GNAI3: variants seen among roughly 807,000 people sequenced by gnomAD.
GNAI3 encodes the protein guanine nucleotide-binding protein G(i) subunit alpha-3.
Under a neutral mutation model 41.8 loss-of-function variants are expected in GNAI3, and 12 were observed. The observed-to-expected ratio is 0.29, with a 90% CI of 0.18 to 0.47. GNAI3 has a LOEUF of 0.47. Among genes scored for constraint, GNAI3 ranks in the 20% least tolerant of loss-of-function variants. The probability of loss-of-function intolerance (pLI) is 1.00; values close to 1 mark genes in which losing one functional copy is unlikely to be tolerated. For missense variants in GNAI3, 360 were observed against 429.6 expected (o/e 0.84, Z 1.43); for synonymous variants, 132 against 146.5 (o/e 0.90, Z 0.71).
intron 1 of GNAI3, among the ~76,000 whole-genome samples, chr1:109,573,199 A>G (rs1019351396): frequency 3.3e-4 from 50 of 152,180 alleles, no homozygotes; most frequent in Non-Finnish European, 7.1e-4. Context: ...AAGTGATTCC[A>G]GCTGGCTAAG....
chr1:109,554,718 AT>A (rs1450658051), intron 1 of GNAI3, among the ~76,000 whole-genome samples: 1 of 152,042 alleles, frequency 6.6e-6, no homozygotes, highest in East Asian at 1.9e-4. Flanking sequence ...GTTGAGTCCC[AT>A]TTATTTATTT....
At chr1:109,582,888 T>G (rs774102186) in intron 5 of GNAI3, among the ~76,000 whole-genome samples, 1 of 152,212 alleles carries the variant, frequency 6.6e-6, no homozygotes, top group Admixed American at 6.5e-5. Flanking sequence ...GACTCACCAA[T>G]TCAGATATTG....
At position 109,590,446 on chromosome 1, in the gene GNAI3, A is replaced by G. The variant is rs2101112056; in HGVS notation, c.875-1597A>G. On this transcript the variant is annotated intron_variant, in intron 7 of 8. Coordinates refer to ENST00000369851, the MANE Select transcript of GNAI3 (RefSeq NM_006496.4). ...TATTATTATCTGTTCCTAGCAGACA[A>G]AATTCACTTTTCACTCATCTGCCTC... Among the ~76,000 whole-genome samples the G allele has an allele frequency of 1.3e-5, 2 of 152,302 alleles. 1 individual carries two copies. The highest frequency in any genetic ancestry group is 6.8e-3 in the Middle Eastern group (2 of 294).
intron 1 of GNAI3, among the ~76,000 whole-genome samples, chr1:109,568,668 A>G (rs1648518648): frequency 6.6e-6 from 1 of 152,130 alleles, no homozygotes; most frequent in African/African-American, 2.4e-5. Flanking sequence ...TCCAAACTGT[A>G]GATAAACACA....
intron 1 of GNAI3, among the ~76,000 whole-genome samples, chr1:109,566,865 A>C (rs1377850401): frequency 6.6e-6 from 1 of 152,108 alleles, no homozygotes; most frequent in African/African-American, 2.4e-5. Flanking sequence ...ACCTGGCCTG[A>C]AATGTCATTT....
intron 1 of GNAI3, among the ~76,000 whole-genome samples, chr1:109,563,378 C>T (rs1181702370): frequency 2.6e-5 from 4 of 152,200 alleles, no homozygotes; most frequent in Non-Finnish European, 5.9e-5. Flanking sequence ...GAGCAAGACA[C>T]TGTCTCAGAA....
intron 1 of GNAI3, among the ~76,000 whole-genome samples, chr1:109,549,680 C>T (rs1647926039): frequency 6.6e-6 from 1 of 152,132 alleles, no homozygotes; most frequent in South Asian, 2.1e-4. Context: ...GAATAGTTAC[C>T]TTAGGATAAG....
chr1:109,561,770 G>A (rs1413204573), intron 1 of GNAI3, among the ~76,000 whole-genome samples: 1 of 152,202 alleles, frequency 6.6e-6, no homozygotes, highest in Non-Finnish European at 1.5e-5. Flanking sequence ...TCCCAGAGGA[G>A]GTGACATTTG....
rs1389551018 is a variant in GNAI3 at position 109,592,137 on chromosome 1, C to T, written c.969C>T (p.Phe323=). ...ATACCAAGGAGATCTATACTCACTT[C>T]ACCTGTGCCACAGACACGAAGAATG... is the stretch of plus-strand genomic sequence containing the variant. ...RKDTKEIYTH[F]TCATDTKNVQ... is the part of the protein sequence containing the mutation. Residue 323 remains phenylalanine, a synonymous_variant, in exon 8 of 9, where the codon TTC becomes TTT. Coordinates refer to ENST00000369851, the MANE Select transcript of GNAI3 (RefSeq NM_006496.4). 2 of 1,611,354 alleles carry T rather than the reference C, an allele frequency of 1.2e-6. No homozygotes were observed. The highest frequency in any genetic ancestry group is 1.7e-5 in the Admixed American group (1 of 60,028).
At chr1:109,586,951 T>A in intron 7 of GNAI3, 69 bp downstream of exon 7, 1 of 1,028,216 alleles carries the variant, frequency 9.7e-7, no homozygotes, top group Non-Finnish European at 1.5e-6. Flanking sequence ...GTGGCATTCA[T>A]AAAACTGCCT....
At chr1:109,586,479 C>G in intron 6 of GNAI3, 134 bp downstream of exon 6, 3 of 904,278 alleles carry the variant, frequency 3.3e-6, no homozygotes, top group Non-Finnish European at 5.0e-6. Context: ...GATCTGTGCC[C>G]TATTACTCTA....
chr1:109,548,710 C>A lies in GNAI3; in HGVS notation c.-11C>A. 1.3e-6 allele frequency: 2 copies of A among 1,599,066 alleles called. No homozygotes were observed. The highest frequency in any genetic ancestry group is 2.2e-5 in the East Asian group (1 of 44,780). On this transcript the variant is annotated 5_prime_UTR_variant, in exon 1 of 9. Transcript: ENST00000369851. ...TGAGTCCGGGCCCGTGTCCCCTCTC[C>A]CGCCGCCGCCATGGGCTGCACGTTG...
chr1:109,584,850 G>A (rs1648994524), intron 5 of GNAI3, among the ~76,000 whole-genome samples: 1 of 152,218 alleles, frequency 6.6e-6, no homozygotes, highest in Non-Finnish European at 1.5e-5. Flanking sequence ...AGTTACTGGT[G>A]TGTCTCCCCT....
intron 1 of GNAI3, among the ~76,000 whole-genome samples, chr1:109,568,783 A>T (rs1648521194): frequency 6.6e-6 from 1 of 152,166 alleles, no homozygotes; most frequent in Non-Finnish European, 1.5e-5. Context: ...TCCTGGGCTC[A>T]AGAGATTTTC....
rs562690288 is a variant in GNAI3, at chr1:109,552,622, A to C, written c.118+3784A>C. 2.4e-3 allele frequency among the ~76,000 whole-genome samples: 364 copies of C among 152,126 alleles called. 2 individuals carry two copies. The highest frequency in any genetic ancestry group is 4.3e-3 in the Non-Finnish European group (290 of 68,022). ...AAAATTTTATTTGGTATAAATACTA[A>C]ATTTATACCAATTTAATATTTAATA... On this transcript the variant is annotated intron_variant, in intron 1 of 8. Coordinates refer to ENST00000369851, the MANE Select transcript of GNAI3 (RefSeq NM_006496.4).
chr1:109,548,910 T>C, intron 1 of GNAI3, 72 bp downstream of exon 1: 2 of 974,358 alleles, frequency 2.1e-6, no homozygotes, highest in Non-Finnish European at 3.2e-6. Context: ...GAACGGGGTC[T>C]GGTCGGGCCG....
At chr1:109,554,925 G>A (rs551811014) in intron 1 of GNAI3, among the ~76,000 whole-genome samples, 1 of 152,058 alleles carries the variant, frequency 6.6e-6, no homozygotes, top group South Asian at 2.1e-4. Context: ...TACAGTAGCT[G>A]CAAACAAAAA....
In GNAI3 at chr1:109,579,343, T is replaced by C; in HGVS notation, c.443T>C (p.Leu148Pro). The C allele has an allele frequency of 6.2e-7, 1 of 1,612,710 alleles. No homozygotes were observed. Among genetic ancestry groups the C allele is most frequent in the East Asian group, 2.2e-5 (1 of 44,870 alleles). ...TTCAGCAGATCCAGGGAATATCAGC[T>C]CAATGATTCTGCTTCATAGTAAGTA... ...ACFSRSREYQ[L>P]NDSASYYLND... Residue 148 changes from leucine (L) to proline (P), a missense_variant, in exon 4 of 9, where the codon CTC becomes CCC. Leu to Pro is a moderately conservative substitution (Grantham distance 98, BLOSUM62 -3). Transcript: ENST00000369851.
At chr1:109,589,459 C>G (rs141580109) in intron 7 of GNAI3, among the ~76,000 whole-genome samples, 1 of 151,802 alleles carries the variant, frequency 6.6e-6, no homozygotes, top group Non-Finnish European at 1.5e-5. Context: ...TCTTGAGCAA[C>G]GTGGGTTTAA....
Sources: gnomAD v4.1 joint callset for allele counts (sites outside exome capture counted in the v4.1 genomes callset) on GRCh38, gnomAD v4.1.1 for gene constraint, MANE v1.5 for transcripts, NCBI Gene and HGNC (gene_info 2026-07-23, HGNC 2026-07-21) for gene names.